VPS41: variants seen among roughly 807,000 people sequenced by gnomAD.
VPS41 encodes VPS41 subunit of HOPS complex.
A neutral mutation model predicts 130.9 loss-of-function variants in VPS41; 85 were observed. The observed-to-expected ratio is 0.65, with a 90% CI of 0.55 to 0.78. The LOEUF (loss-of-function observed/expected upper bound fraction) is 0.78. Ranked by LOEUF, VPS41 falls within the 30% of genes least tolerant of loss-of-function variation. VPS41 has a pLI of 0.00. For missense variants in VPS41, 874 were observed against 1,018.7 expected, an observed-to-expected ratio of 0.86 and a Z score of 1.93; for synonymous variants, 335 against 332.9, an observed-to-expected ratio of 1.01 and a Z score of -0.07.
At chr7:38,873,128 T>G (rs1279394455) in intron 2 of VPS41, among the ~76,000 whole-genome samples, 1 of 152,212 alleles carries the variant, frequency 6.6e-6, no homozygotes. Context: ...AAATAAATGT[T>G]TTCACAACAC....
At chr7:38,804,117 C>T (rs1784789711) in intron 7 of VPS41, among the ~76,000 whole-genome samples, 1 of 152,168 alleles carries the variant, frequency 6.6e-6, no homozygotes, top group South Asian at 2.1e-4. Context: ...AGAGCCCACT[C>T]AAATGCCACT....
At chr7:38,735,356 T>C (rs2115585116) in intron 25 of VPS41, among the ~76,000 whole-genome samples, 1 of 152,268 alleles carries the variant, frequency 6.6e-6, no homozygotes, top group South Asian at 2.1e-4. Context: ...CCCATTTGGA[T>C]TGCAAAATAG....
intron 25 of VPS41, among the ~76,000 whole-genome samples, chr7:38,738,497 A>G (rs1315938595): frequency 1.3e-5 from 2 of 152,238 alleles, no homozygotes; most frequent in African/African-American, 4.8e-5. Context: ...TGAAATTCTC[A>G]AGGGAAAAAA....
At chr7:38,813,489 A>T (rs1279430347) in intron 7 of VPS41, among the ~76,000 whole-genome samples, 1 of 152,216 alleles carries the variant, frequency 6.6e-6, no homozygotes, top group African/African-American at 2.4e-5. Context: ...AAACGACTAA[A>T]CAGCACACTA....
intron 11 of VPS41, among the ~76,000 whole-genome samples, chr7:38,774,564 A>G (rs1784220012): frequency 6.6e-6 from 1 of 152,186 alleles, no homozygotes; most frequent in Non-Finnish European, 1.5e-5. Flanking sequence ...AAAATGGAGA[A>G]AACTGAAATA....
At chr7:38,814,443 G>A (rs1030673473) in intron 7 of VPS41, among the ~76,000 whole-genome samples, 2 of 152,168 alleles carry the variant, frequency 1.3e-5, no homozygotes, top group Admixed American at 1.3e-4. Flanking sequence ...AAGGTCAGGA[G>A]ATCAAGACCA....
In VPS41 at chr7:38,725,895, G is replaced by C. The variant is rs1214598135; in HGVS notation, c.*351C>G. On this transcript the variant is annotated 3_prime_UTR_variant, in exon 29 of 29. Coordinates refer to ENST00000310301, the MANE Select transcript of VPS41 (RefSeq NM_014396.4). ...AGTTGGCGACGCTTTCAGGCAGCTG[G>C]GAGAATTCTCAGTTGTCCATTTTAT... The C allele has an allele frequency of 5.9e-6, 1 of 169,552 alleles. No individual in the cohort carries two copies. The highest frequency in any genetic ancestry group is 1.6e-4 in the East Asian group (1 of 6,254). The allele number at this position is 169,552 out of a possible 1,614,324, so 10.5% of individuals were successfully genotyped here. A position where few individuals can be genotyped will look rare whatever the true frequency, so the allele number is the denominator to read the frequency against.
At chr7:38,836,925 T>C (rs1785507843) in intron 4 of VPS41, among the ~76,000 whole-genome samples, 1 of 152,204 alleles carries the variant, frequency 6.6e-6, no homozygotes, top group Non-Finnish European at 1.5e-5. Flanking sequence ...ATATACATTA[T>C]CTATTATGAC....
At chr7:38,746,948 G>A (rs141567818) in intron 22 of VPS41, among the ~76,000 whole-genome samples, 61 of 152,228 alleles carry the variant, frequency 4.0e-4, no homozygotes, top group African/African-American at 1.4e-3. Flanking sequence ...CTGACCCCGC[G>A]GCATGGTGCT....
intron 2 of VPS41, among the ~76,000 whole-genome samples, chr7:38,895,307 G>A (rs758650671): frequency 2.0e-5 from 3 of 151,754 alleles, no homozygotes; most frequent in Admixed American, 6.6e-5. Flanking sequence ...TGGTGACAAA[G>A]CAAGACTTTG....
chr7:38,782,823 A>G (rs1784376529), intron 10 of VPS41, among the ~76,000 whole-genome samples: 1 of 152,212 alleles, frequency 6.6e-6, no homozygotes, highest in Non-Finnish European at 1.5e-5. Flanking sequence ...TAAGTCAATG[A>G]AGAGTGACTG....
At chr7:38,739,546 A>T (rs1418664752) in intron 25 of VPS41, among the ~76,000 whole-genome samples, 1 of 152,234 alleles carries the variant, frequency 6.6e-6, no homozygotes, top group Non-Finnish European at 1.5e-5. Context: ...ATGTAAAAAG[A>T]GCAGAAAAAT....
intron 18 of VPS41, among the ~76,000 whole-genome samples, chr7:38,757,799 C>T (rs968595417): frequency 3.3e-5 from 5 of 152,106 alleles, no homozygotes; most frequent in Non-Finnish European, 7.3e-5. Flanking sequence ...GATCGAAGTA[C>T]TTGAGAGCAT....
chr7:38,775,247 G>A (rs1784235903), intron 11 of VPS41: 1 of 152,102 alleles, frequency 6.6e-6, no homozygotes, highest in African/African-American at 2.4e-5. Context: ...GATTTAAGGT[G>A]TACTTTAATG....
chr7:38,817,723 A>C (rs1357051851), intron 7 of VPS41, 94 bp downstream of exon 7: 5 of 1,029,018 alleles, frequency 4.9e-6, no homozygotes, highest in Non-Finnish European at 7.7e-6. Flanking sequence ...CTCCTAATGA[A>C]TAGCCAGACA....
rs1286305097 is a variant in VPS41, at chr7:38,726,136, TATAAAC to T, written c.*104_*109del. 6.9e-6 allele frequency: 5 copies of T among 727,664 alleles called. No homozygotes were observed. The African/African-American group carries it at 7.1e-5, about 10-fold the overall frequency. The allele number at this position is 727,664 out of a possible 1,614,324, so 45.1% of individuals were successfully genotyped here. ...ATGAAGAAATTGTTTTTGAGTATAA[TATAAAC>T]ATAAACAAATCTCTTAACAGCACGA... On this transcript the variant is annotated 3_prime_UTR_variant, in exon 29 of 29. Coordinates refer to ENST00000310301, the MANE Select transcript of VPS41 (RefSeq NM_014396.4).
chr7:38,886,078 C>A (rs920165077), intron 2 of VPS41, among the ~76,000 whole-genome samples: 9 of 151,986 alleles, frequency 5.9e-5, no homozygotes, highest in East Asian at 1.9e-4. Flanking sequence ...CAGCTCCCAG[C>A]GAGACTGATG....
At chr7:38,822,276 G>A (rs1441124093) in intron 5 of VPS41, among the ~76,000 whole-genome samples, 3 of 152,074 alleles carry the variant, frequency 2.0e-5, no homozygotes, top group Non-Finnish European at 4.4e-5. Flanking sequence ...GAACATATCC[G>A]TGTAACCATC....
At chr7:38,777,597 G>A (rs1426813207) in intron 10 of VPS41, among the ~76,000 whole-genome samples, 2 of 152,190 alleles carry the variant, frequency 1.3e-5, no homozygotes, top group East Asian at 1.9e-4. Context: ...TACAGTAGTG[G>A]TATTACAGAG....
Sources: gnomAD v4.1 joint callset for allele counts (sites outside exome capture counted in the v4.1 genomes callset) on GRCh38, gnomAD v4.1.1 for gene constraint, MANE v1.5 for transcripts, NCBI Gene and HGNC (gene_info 2026-07-23, HGNC 2026-07-21) for gene names.